Variants in RBMS1 observed in about 807,000 individuals in gnomAD.
RBMS1 encodes RNA-binding motif, single-stranded-interacting protein 1.
In RBMS1, 17 loss-of-function variants were observed where a neutral mutation model predicts 62.3. That is an observed-to-expected ratio of 0.27 (90% CI 0.19 to 0.41). The LOEUF (loss-of-function observed/expected upper bound fraction) is 0.41. Among genes scored for constraint, RBMS1 ranks in the 10% least tolerant of loss-of-function variants. RBMS1 has a pLI of 1.00. For missense variants in RBMS1, 334 were observed against 504.5 expected, an observed-to-expected ratio of 0.66 and a Z score of 3.24; for synonymous variants, 172 against 170.0, an observed-to-expected ratio of 1.01 and a Z score of -0.09.
chr2:160,383,642 T>A (rs1694409200), intron 1 of RBMS1, among the ~76,000 whole-genome samples: 2 of 152,228 alleles, frequency 1.3e-5, no homozygotes, highest in African/African-American at 4.8e-5. Context: ...TTATTTGTGT[T>A]ATGAATATTC....
chr2:160,410,889 G>A (rs1050737964), intron 1 of RBMS1, among the ~76,000 whole-genome samples: 5 of 152,166 alleles, frequency 3.3e-5, no homozygotes, highest in Admixed American at 6.5e-5. Flanking sequence ...GACTACAGGC[G>A]TGTGCCACCA....
intron 1 of RBMS1, among the ~76,000 whole-genome samples, chr2:160,409,606 C>A (rs540047783): frequency 6.6e-6 from 1 of 152,226 alleles, no homozygotes; most frequent in Non-Finnish European, 1.5e-5. Context: ...TGAGAACTTA[C>A]TGCTCAACAC....
In RBMS1 at chr2:160,318,055, A is replaced by G. The variant is rs1690323499; in HGVS notation, c.310+114T>C. On this transcript the variant is annotated intron_variant, in intron 3 of 13. Transcript: ENST00000348849. ...GTGCAAGACAGAAACTGGGTGATAT[A>G]TAAGATCTGGTTTTTAATAAAACGA... is the stretch of plus-strand genomic sequence containing the variant. The G allele has an allele frequency of 5.1e-5, 73 of 1,443,340 alleles. No homozygotes were observed. The South Asian group carries it at 8.1e-4, about 16-fold the overall frequency. 89.4% of individuals were successfully genotyped at this position (1,443,340 alleles called of 1,614,324 possible). A position where few individuals can be genotyped will look rare whatever the true frequency, so the allele number is the denominator to read the frequency against.
intron 1 of RBMS1, chr2:160,493,034 G>C (rs959127841): frequency 9.2e-6 from 4 of 432,766 alleles, no homozygotes; most frequent in Admixed American, 8.7e-5. Flanking sequence ...GCCAGGAAGG[G>C]GCTGGTGGCT....
chr2:160,447,306 T>C (rs1683696292), intron 1 of RBMS1, among the ~76,000 whole-genome samples: 1 of 152,196 alleles, frequency 6.6e-6, no homozygotes, highest in Non-Finnish European at 1.5e-5. Flanking sequence ...ATGTAGTATA[T>C]GTTCCTTCTG....
At chr2:160,491,405 A>G (rs1685822393) in intron 1 of RBMS1, among the ~76,000 whole-genome samples, 1 of 152,268 alleles carries the variant, frequency 6.6e-6, no homozygotes, top group East Asian at 1.9e-4. Context: ...TGCTTTATGC[A>G]GGAAGCACAC....
chr2:160,450,564 G>GAAAAAAAAAAAAAAAAAAAAAAAATAA (rs1181640365), intron 1 of RBMS1, among the ~76,000 whole-genome samples: 3 of 56,550 alleles, frequency 5.3e-5, no homozygotes, highest in African/African-American at 8.1e-5. Context: ...AATAAAAAAT[G>GAAAAAAAAAAAAAAAAAAAAAAAATAA]AAAAAAAAAA....
chr2:160,379,602 G>C (rs1000866443), intron 1 of RBMS1, among the ~76,000 whole-genome samples: 8 of 152,142 alleles, frequency 5.3e-5, no homozygotes, highest in African/African-American at 1.9e-4. Flanking sequence ...AGCAGGATCT[G>C]GGAAATGCTT....
intron 2 of RBMS1, among the ~76,000 whole-genome samples, chr2:160,326,635 A>T (rs1163684217): frequency 6.6e-6 from 1 of 152,190 alleles, no homozygotes; most frequent in East Asian, 1.9e-4. Flanking sequence ...TTTTAGTAAG[A>T]TTAACGAAAA....
chr2:160,415,040 G>A (rs541294606), intron 1 of RBMS1, among the ~76,000 whole-genome samples: 1 of 151,794 alleles, frequency 6.6e-6, no homozygotes, highest in Admixed American at 6.6e-5. Context: ...ACAAAGAGAA[G>A]GTCCATTTTT....
chr2:160,420,967 G>A (rs913914293), intron 1 of RBMS1, among the ~76,000 whole-genome samples: 1 of 152,080 alleles, frequency 6.6e-6, no homozygotes, highest in Non-Finnish European at 1.5e-5. Flanking sequence ...GTACCACGAT[G>A]TATTTTAGAA....
chr2:160,371,134 G>A (rs1362669358), intron 1 of RBMS1, among the ~76,000 whole-genome samples: 2 of 152,206 alleles, frequency 1.3e-5, no homozygotes, highest in South Asian at 2.1e-4. Flanking sequence ...ATACTGACAA[G>A]CCTTTAATTA....
At chr2:160,420,702 T>C (rs943229341) in intron 1 of RBMS1, among the ~76,000 whole-genome samples, 4 of 152,162 alleles carry the variant, frequency 2.6e-5, no homozygotes, top group Non-Finnish European at 5.9e-5. Flanking sequence ...CACTTCTACA[T>C]GATCCTGAGC....
chr2:160,314,239 A>G (rs1300427436), intron 3 of RBMS1, among the ~76,000 whole-genome samples: 2 of 152,198 alleles, frequency 1.3e-5, no homozygotes, highest in South Asian at 4.1e-4. Flanking sequence ...AGAGAATCAC[A>G]GACTTTTCAC....
At chr2:160,407,694 G>A (rs1695827941) in intron 1 of RBMS1, 3 of 981,794 alleles carry the variant, frequency 3.1e-6, no homozygotes, top group Middle Eastern at 5.2e-4. Flanking sequence ...CTGCAGCTCC[G>A]CGCTGACTTC....
intron 2 of RBMS1, among the ~76,000 whole-genome samples, chr2:160,324,882 G>GTGTGTATATATATATA (rs1206910746): frequency 1.0e-5 from 1 of 100,016 alleles, no homozygotes; most frequent in Non-Finnish European, 1.9e-5. Context: ...GTGTGTGTGT[G>GTGTGTATATATATATA]TATATATATA....
At chr2:160,360,054 C>T (rs1238104280) in intron 2 of RBMS1, among the ~76,000 whole-genome samples, 1 of 152,136 alleles carries the variant, frequency 6.6e-6, no homozygotes, top group Non-Finnish European at 1.5e-5. Context: ...CACTGCACTC[C>T]AGCCTAGGCA....
rs577303757 is a variant in RBMS1, at chr2:160,303,520, C to G, written c.403-33G>C. ...AGAAGAGAGTGTTGTCCATTAATTTCCAACAGAAGGTGAGATATTTATGTT... is the reference window on the plus strand; with the variant it reads ...AGAAGAGAGTGTTGTCCATTAATTTGCAACAGAAGGTGAGATATTTATGTT... On this transcript the variant is annotated intron_variant, in intron 4 of 13. Coordinates refer to ENST00000348849, the MANE Select transcript of RBMS1 (RefSeq NM_016836.4). 5.7e-6 allele frequency: 9 copies of G among 1,569,614 alleles called. No individual in the cohort carries two copies. In the African/African-American group the frequency reaches 1.2e-4, roughly 22 times the overall value.
chr2:160,272,500 A>G lies in RBMS1; in HGVS notation c.*2272T>C, dbSNP rs1199124570. ...CTGATTTTTTTTTTTTTATGTACAGAGGTTATGTTTCCCAAATCTTACCCA... is the reference window on the plus strand; with the variant it reads ...CTGATTTTTTTTTTTTTATGTACAGGGGTTATGTTTCCCAAATCTTACCCA... On this transcript the variant is annotated 3_prime_UTR_variant, in exon 14 of 14. Coordinates refer to ENST00000348849, the MANE Select transcript of RBMS1 (RefSeq NM_016836.4). The G allele has an allele frequency of 6.6e-6, 1 of 150,670 alleles. No individual in the cohort carries two copies. The highest frequency in any genetic ancestry group is 1.5e-5 in the Non-Finnish European group (1 of 67,856). The allele number at this position is 150,670 out of a possible 1,614,324, so 9.3% of individuals were successfully genotyped here. A position where few individuals can be genotyped will look rare whatever the true frequency, so the allele number is the denominator to read the frequency against.
Sources: allele counts gnomAD v4.1 joint callset (sites outside exome capture counted in the v4.1 genomes callset), GRCh38; gene constraint gnomAD v4.1.1; transcripts MANE v1.5; gene names NCBI Gene and HGNC (gene_info 2026-07-23, HGNC 2026-07-21).